The following SLCO1B3 variants were observed in gnomAD, a reference collection of about 807,000 sequenced individuals.
SLCO1B3 encodes liver-specific organic anion transporter 2.
Under a neutral mutation model 71.8 loss-of-function variants are expected in SLCO1B3, and 72 were observed. That is an observed-to-expected ratio of 1.00 (90% CI 0.83 to 1.22). The LOEUF (loss-of-function observed/expected upper bound fraction) is 1.22, where lower values mean the gene tolerates loss of function less well. Ranked by LOEUF, SLCO1B3 falls within the 50% of genes most tolerant of loss-of-function variation. SLCO1B3 has a pLI of 0.00. For missense variants in SLCO1B3, 911 were observed against 819.7 expected (o/e 1.11, Z -1.36); for synonymous variants, 298 against 278.4 (o/e 1.07, Z -0.70).
chr12:20,879,642 A>G lies in SLCO1B3; in HGVS notation c.1331+11A>G. The G allele has an allele frequency of 6.5e-7, 1 of 1,545,268 alleles. No individual in the cohort carries two copies. ...CTTGACCTATGATGGGTTTGTATAT[A>G]TTGCTATATAAATTGTGTAATATGT... On this transcript the variant is annotated intron_variant, in intron 11 of 15. Transcript: ENST00000381545.
chr12:20,855,238 T>G (rs956611982), intron 4 of SLCO1B3, 69 bp downstream of exon 4: 3 of 1,306,696 alleles, frequency 2.3e-6, no homozygotes, highest in Non-Finnish European at 2.1e-6. Context: ...TCATGCATGC[T>G]TTATATCACT....
intron 13 of SLCO1B3, among the ~76,000 whole-genome samples, chr12:20,889,027 T>G (rs371149003): frequency 6.6e-6 from 1 of 152,006 alleles, no homozygotes; most frequent in Non-Finnish European, 1.5e-5. Context: ...ATCCTTGCAT[T>G]TCAGGAAAAA....
chr12:20,877,652 C>A (rs1865607737), intron 9 of SLCO1B3, 120 bp from the exon 10 acceptor site: 2 of 399,492 alleles, frequency 5.0e-6, no homozygotes, highest in Admixed American at 4.8e-5. Flanking sequence ...AAGGTCGCGA[C>A]TCTCTTAGAA....
intron 4 of SLCO1B3, among the ~76,000 whole-genome samples, chr12:20,857,002 C>G (rs1426984308): frequency 1.3e-5 from 2 of 152,120 alleles, no homozygotes; most frequent in Non-Finnish European, 2.9e-5. Context: ...GGCATATTTT[C>G]TAAGCCCTTG....
chr12:20,861,805 C>G (rs1591767032), intron 6 of SLCO1B3, among the ~76,000 whole-genome samples: 1 of 151,910 alleles, frequency 6.6e-6, no homozygotes, highest in South Asian at 2.1e-4. Flanking sequence ...CAAAGTCTTT[C>G]TGGAGATTAA....
chr12:20,915,452 C>G (rs940001928), intron 15 of SLCO1B3, among the ~76,000 whole-genome samples: 2 of 152,166 alleles, frequency 1.3e-5, no homozygotes, highest in African/African-American at 4.8e-5. Flanking sequence ...TATTCCCTGA[C>G]ATATCTGGGT....
chr12:20,889,502 G>A (rs1400321309), intron 13 of SLCO1B3, among the ~76,000 whole-genome samples: 1 of 152,060 alleles, frequency 6.6e-6, no homozygotes. Context: ...GATGGTCATA[G>A]TAGTCTCTGA....
chr12:20,872,191 G>T (rs555969000), intron 8 of SLCO1B3, among the ~76,000 whole-genome samples: 2 of 151,890 alleles, frequency 1.3e-5, no homozygotes, highest in East Asian at 3.9e-4. Flanking sequence ...GGAAGATTCT[G>T]CCAGGCCACC....
chr12:20,863,733 C>G (rs909415168), intron 8 of SLCO1B3, among the ~76,000 whole-genome samples: 7 of 152,084 alleles, frequency 4.6e-5, no homozygotes, highest in Non-Finnish European at 1.0e-4. Flanking sequence ...AACTGTTTCT[C>G]AATTTATCTT....
At chr12:20,886,827 C>G (rs1565602809) in intron 13 of SLCO1B3, among the ~76,000 whole-genome samples, 1 of 151,906 alleles carries the variant, frequency 6.6e-6, no homozygotes, top group Non-Finnish European at 1.5e-5. Context: ...GAATCGTGTA[C>G]TTTATATTCA....
intron 12 of SLCO1B3, 49 bp from the exon 13 acceptor site, chr12:20,883,369 T>G: frequency 6.5e-6 from 7 of 1,074,282 alleles, no homozygotes; most frequent in Non-Finnish European, 9.3e-6. Flanking sequence ...TTCATAGCCC[T>G]GTTGTATTTG....
At chr12:20,910,066 C>G (rs1866344138) in intron 15 of SLCO1B3, among the ~76,000 whole-genome samples, 1 of 152,140 alleles carries the variant, frequency 6.6e-6, no homozygotes, top group African/African-American at 2.4e-5. Context: ...AGGTTGCTTA[C>G]TCCTGTGTTA....
chr12:20,840,742 G>A (rs912409809), intron 3 of SLCO1B3, among the ~76,000 whole-genome samples: 2 of 152,110 alleles, frequency 1.3e-5, no homozygotes, highest in Non-Finnish European at 2.9e-5. Context: ...CTGTAATATG[G>A]TAGGCTAGAA....
At chr12:20,837,571 T>C (rs1300319800) in intron 3 of SLCO1B3, among the ~76,000 whole-genome samples, 1 of 152,164 alleles carries the variant, frequency 6.6e-6, no homozygotes, top group Non-Finnish European at 1.5e-5. Context: ...TCCTTTGACC[T>C]AAATGTTACT....
At chr12:20,828,250 C>T (rs1471384374) in intron 3 of SLCO1B3, among the ~76,000 whole-genome samples, 2 of 151,476 alleles carry the variant, frequency 1.3e-5, no homozygotes, top group African/African-American at 4.9e-5. Flanking sequence ...AAACCACACC[C>T]TTTTGTATCT....
intron 4 of SLCO1B3, among the ~76,000 whole-genome samples, chr12:20,856,460 A>G (rs995105608): frequency 3.9e-5 from 6 of 152,358 alleles, no homozygotes; most frequent in Non-Finnish European, 8.8e-5. Flanking sequence ...AACTATTTAC[A>G]TAGTATTTAC....
At chr12:20,897,139 C>A (rs555780692) in intron 13 of SLCO1B3, among the ~76,000 whole-genome samples, 1 of 152,314 alleles carries the variant, frequency 6.6e-6, no homozygotes, top group African/African-American at 2.4e-5. Context: ...GATTCATTGT[C>A]CTCAGTGTAG....
chr12:20,827,465 GAC>G (rs1254216715), intron 3 of SLCO1B3, among the ~76,000 whole-genome samples: 7 of 152,120 alleles, frequency 4.6e-5, no homozygotes, highest in Non-Finnish European at 1.5e-5. Flanking sequence ...AAACGTACAT[GAC>G]ACATAAATAC....
intron 3 of SLCO1B3, among the ~76,000 whole-genome samples, chr12:20,849,768 C>A (rs1864987528): frequency 6.7e-6 from 1 of 149,434 alleles, no homozygotes; most frequent in Non-Finnish European, 1.5e-5. Context: ...TTCTGTACAC[C>A]GGGAATAAGC....
Sources: gnomAD v4.1 joint callset for allele counts (sites outside exome capture counted in the v4.1 genomes callset) on GRCh38, gnomAD v4.1.1 for gene constraint, MANE v1.5 for transcripts, NCBI Gene and HGNC (gene_info 2026-07-23, HGNC 2026-07-21) for gene names.